RIMBP2: variants seen among roughly 807,000 people sequenced by gnomAD.
The protein encoded by RIMBP2 is RIMS-binding protein 2.
In RIMBP2, 48 loss-of-function variants were observed where a neutral mutation model predicts 118.6. The ratio of observed to expected loss-of-function variants is 0.40; its 90% CI spans 0.32 to 0.51. RIMBP2 has a LOEUF of 0.51. RIMBP2 is among the 20% of genes least tolerant of loss of function. The pLI, the probability that RIMBP2 is intolerant of heterozygous loss-of-function variation, is 0.41. For synonymous variants in RIMBP2, 762 were observed against 742.9 expected (o/e 1.03, Z -0.42); for missense variants, 1,551 against 1,768.3 (o/e 0.88, Z 2.20).
chr12:130,422,201 T>C lies in RIMBP2; in HGVS notation c.3238+252A>G, dbSNP rs2076459983. Among the ~76,000 whole-genome samples the C allele has an allele frequency of 6.6e-6, 1 of 152,188 alleles. No individual in the cohort carries two copies. The highest frequency in any genetic ancestry group is 1.5e-5 in the Non-Finnish European group (1 of 68,032). ...ACAAAGTGGTCCCCCCTTCAGTGCTTACCCTGTGAAGCTCTCCAGGAAAAA... is the reference window on the plus strand; with the variant it reads ...ACAAAGTGGTCCCCCCTTCAGTGCTCACCCTGTGAAGCTCTCCAGGAAAAA... On this transcript the variant is annotated intron_variant, in intron 17 of 22. Transcript: ENST00000690449. This position sits in a 1 kb window ranked among gnomAD's most constrained non-coding sequence, Gnocchi z 5.2.
intron 1 of RIMBP2, among the ~76,000 whole-genome samples, chr12:130,666,736 G>C (rs1212840302): frequency 1.4e-5 from 2 of 146,048 alleles, no homozygotes; most frequent in Non-Finnish European, 3.0e-5. Context: ...GGGAAGAAGA[G>C]GGGAAGGAGG....
chr12:130,414,319 G>C lies in RIMBP2; in HGVS notation c.3239-13C>G, dbSNP rs768011635. On this transcript the variant is annotated splice_polypyrimidine_tract_variant and intron_variant, in intron 17 of 22. Transcript: ENST00000690449. Reference sequence around the variant, plus strand: ...CGCCCGTAATCGTCTGCGAGCAAGTGGGGGTGAAGAACAGAGCGGCAGTGA... The same window carrying C: ...CGCCCGTAATCGTCTGCGAGCAAGTCGGGGTGAAGAACAGAGCGGCAGTGA... The C allele has an allele frequency of 5.1e-6, 8 of 1,569,330 alleles. No individual in the cohort carries two copies. Among genetic ancestry groups the C allele is most frequent in the Middle Eastern group, 3.4e-4 (2 of 5,844 alleles).
At chr12:130,555,855 T>C (rs2056297485) in intron 2 of RIMBP2, among the ~76,000 whole-genome samples, 1 of 152,190 alleles carries the variant, frequency 6.6e-6, no homozygotes, top group South Asian at 2.1e-4. Context: ...TTAATCGTCA[T>C]CTGGTTCCAT....
rs1301507540 is a variant in RIMBP2, at chr12:130,420,433, C to T, written c.3238+2020G>A. 6.6e-6 allele frequency among the ~76,000 whole-genome samples: 1 copy of T among 152,182 alleles called. No homozygotes were observed. Among genetic ancestry groups the T allele is most frequent in the Non-Finnish European group, 1.5e-5 (1 of 68,040 alleles). On this transcript the variant is annotated intron_variant, in intron 17 of 22. Transcript: ENST00000690449. The surrounding 1 kb of genome is among the most constrained non-coding windows in gnomAD (Gnocchi z 4.3). ...GTTGACATAGATTTGCTCTTTCACC[C>T]AATTTAACAAGTGTGCTACTGAAAT...
At chr12:130,714,976 G>C (rs140241680) in intron 1 of RIMBP2, among the ~76,000 whole-genome samples, 2,118 of 152,268 alleles carry the variant, frequency 0.014, 36 homozygotes, top group Non-Finnish European at 0.019. Flanking sequence ...GGGTGAGTGA[G>C]CCTGCACGCC....
chr12:130,548,279 C>T (rs1213176479), intron 2 of RIMBP2, among the ~76,000 whole-genome samples: 2 of 152,094 alleles, frequency 1.3e-5, no homozygotes, highest in Non-Finnish European at 2.9e-5. Flanking sequence ...TCTGAAGCCC[C>T]GTATCTCTCT....
At chr12:130,587,160 A>C (rs2058943789) in intron 2 of RIMBP2, among the ~76,000 whole-genome samples, 1 of 151,254 alleles carries the variant, frequency 6.6e-6, no homozygotes, top group Non-Finnish European at 1.5e-5. Context: ...AATGGTGATC[A>C]TTAAAAAGTC....
chr12:130,639,150 G>A (rs2062487526), intron 1 of RIMBP2, among the ~76,000 whole-genome samples: 2 of 152,214 alleles, frequency 1.3e-5, no homozygotes, highest in Admixed American at 6.5e-5. Flanking sequence ...CACTTTGGGA[G>A]GCCGAGGCGG....
intron 2 of RIMBP2, among the ~76,000 whole-genome samples, chr12:130,583,079 T>G (rs902572417): frequency 6.6e-6 from 1 of 152,156 alleles, no homozygotes; most frequent in Admixed American, 6.5e-5. Flanking sequence ...ATAACCAACA[T>G]GTTAAATATC....
rs547857452 is a variant in RIMBP2 at position 130,607,826 on chromosome 12, C to T, written c.-217+20496G>A. 2.0e-5 allele frequency among the ~76,000 whole-genome samples: 3 copies of T among 151,982 alleles called. No individual in the cohort carries two copies. In the South Asian group the frequency reaches 6.2e-4, roughly 32 times the overall value. On this transcript the variant is annotated intron_variant, in intron 2 of 22. Coordinates refer to ENST00000690449, the MANE Select transcript of RIMBP2 (RefSeq NM_001393629.1). ...GACCAAGCAGAAGCATCCATTTTTA[C>T]AGCCGCTTAGGTTCTGTGTTGGGTG...
chr12:130,708,017 CAT>C (rs377612190), intron 1 of RIMBP2, among the ~76,000 whole-genome samples: 2,743 of 152,258 alleles, frequency 0.018, 34 homozygotes, highest in Non-Finnish European at 0.028. Flanking sequence ...TGTGGGTAAA[CAT>C]GTGGTCCAGC....
intron 4 of RIMBP2, among the ~76,000 whole-genome samples, chr12:130,483,374 C>G (rs1170521139): frequency 6.6e-6 from 1 of 152,118 alleles, no homozygotes; most frequent in African/African-American, 2.4e-5. Context: ...ATGCACGCAC[C>G]TACTATGCAG....
intron 7 of RIMBP2, among the ~76,000 whole-genome samples, chr12:130,454,577 A>G (rs1205679384): frequency 1.3e-5 from 2 of 152,254 alleles, no homozygotes; most frequent in Admixed American, 1.3e-4. Flanking sequence ...TGATTAAATG[A>G]ACTGGATTCA....
At chr12:130,486,071 C>T (rs891020986) in intron 4 of RIMBP2, among the ~76,000 whole-genome samples, 2 of 152,156 alleles carry the variant, frequency 1.3e-5, no homozygotes, top group African/African-American at 4.8e-5. Flanking sequence ...GCCCTCATCC[C>T]CCTCCAGCCA....
intron 1 of RIMBP2, among the ~76,000 whole-genome samples, chr12:130,705,355 C>T (rs375662992): frequency 2.6e-5 from 4 of 152,204 alleles, no homozygotes; most frequent in African/African-American, 9.7e-5. Flanking sequence ...CAACAAAGAC[C>T]GGGGCCCTGG....
At chr12:130,608,175 C>A (rs2060298943) in intron 2 of RIMBP2, among the ~76,000 whole-genome samples, 1 of 152,204 alleles carries the variant, frequency 6.6e-6, no homozygotes, top group Non-Finnish European at 1.5e-5. Context: ...GAAAGAGCTG[C>A]TAGAAAACGC....
At chr12:130,604,471 CCACTCACT>C (rs140093680) in intron 2 of RIMBP2, among the ~76,000 whole-genome samples, 16,203 of 133,924 alleles carry the variant, frequency 0.12, 1,235 homozygotes, top group Non-Finnish European at 0.18. Flanking sequence ...CATTCACTCT[CCACTCACT>C]CACTCACTCA....
At chr12:130,412,337 G>A (rs1181352278) in intron 19 of RIMBP2, among the ~76,000 whole-genome samples, 7 of 152,164 alleles carry the variant, frequency 4.6e-5, no homozygotes, top group African/African-American at 7.2e-5. Context: ...TTCTAGATGC[G>A]ATAAATTGTT....
At chr12:130,491,523 C>A (rs923122646) in intron 4 of RIMBP2, among the ~76,000 whole-genome samples, 4 of 152,236 alleles carry the variant, frequency 2.6e-5, no homozygotes, top group Non-Finnish European at 5.9e-5. Flanking sequence ...CAGGCCACCA[C>A]GCACACTGTT....
Sources: allele counts gnomAD v4.1 joint callset (sites outside exome capture counted in the v4.1 genomes callset), GRCh38; gene constraint gnomAD v4.1.1; non-coding constraint Gnocchi (gnomAD v3.1); transcripts MANE v1.5; gene names NCBI Gene and HGNC (gene_info 2026-07-23, HGNC 2026-07-21).